The following DOT1L variants were observed in gnomAD, a reference collection of about 807,000 sequenced individuals.
DOT1L encodes DOT1 like histone lysine methyltransferase.
Under a neutral mutation model 153.3 loss-of-function variants are expected in DOT1L, and 33 were observed. The ratio of observed to expected loss-of-function variants is 0.22; its 90% CI spans 0.16 to 0.29. The LOEUF is 0.29. Among genes scored for constraint, DOT1L ranks in the 10% least tolerant of loss-of-function variants. The probability of loss-of-function intolerance (pLI) is 1.00; values close to 1 mark genes in which losing one functional copy is unlikely to be tolerated. For missense variants in DOT1L, 1,847 were observed against 2,119.9 expected (o/e 0.87, Z 2.53); for synonymous variants, 1,135 against 965.1 (o/e 1.18, Z -3.26).
chr19:2,217,262 C>T lies in DOT1L; in HGVS notation c.2544+172C>T, dbSNP rs1395396407. Reference sequence around the variant, plus strand: ...TTGGGGGCAACCAGTAAGGACAGGTCACAGGTGACGTTGGGCAGGTGCCAT... The same window carrying T: ...TTGGGGGCAACCAGTAAGGACAGGTTACAGGTGACGTTGGGCAGGTGCCAT... On this transcript the variant is annotated intron_variant, in intron 21 of 27. Transcript: ENST00000398665. This position sits in a 1 kb window ranked among gnomAD's most constrained non-coding sequence, Gnocchi z 7.3. Among the ~76,000 whole-genome samples the T allele has an allele frequency of 6.6e-6, 1 of 152,138 alleles. No individual in the cohort carries two copies. The highest frequency in any genetic ancestry group is 1.5e-5 in the Non-Finnish European group (1 of 68,030).
rs1413679143 is a variant in DOT1L, at chr19:2,204,620, CAG to C, written c.787+1842_787+1843del. Among the ~76,000 whole-genome samples, 1 of 152,220 alleles carries C rather than the reference CAG, an allele frequency of 6.6e-6. No individual in the cohort carries two copies. The highest frequency in any genetic ancestry group is 2.4e-5 in the African/African-American group (1 of 41,448). On this transcript the variant is annotated intron_variant, in intron 9 of 27. Transcript: ENST00000398665. This position sits in a 1 kb window ranked among gnomAD's most constrained non-coding sequence, Gnocchi z 5.7. ...GCACGATCAGACGTGGTGGCTGAGT[CAG>C]GGTACTGCAGTGGCGTCTTCTGTCC...
intron 27 of DOT1L, chr19:2,228,365 C>A: frequency 1.5e-6 from 2 of 1,309,518 alleles, no homozygotes; most frequent in South Asian, 1.3e-5. Flanking sequence ...GCTTAGCTAG[C>A]AGTGCGTATT....
chr19:2,179,478 T>C (rs1329086785), intron 1 of DOT1L, among the ~76,000 whole-genome samples: 1 of 152,114 alleles, frequency 6.6e-6, no homozygotes, highest in African/African-American at 2.4e-5. Flanking sequence ...GTTTACCTAT[T>C]GGGGATTTAA....
intron 1 of DOT1L, among the ~76,000 whole-genome samples, chr19:2,167,213 G>C (rs117946421): frequency 6.6e-6 from 1 of 152,302 alleles, no homozygotes; most frequent in East Asian, 1.9e-4. Flanking sequence ...GTTCTCAGGG[G>C]TGGACCGCAC....
intron 19 of DOT1L, chr19:2,214,797 C>A: frequency 1.5e-6 from 1 of 684,944 alleles, no homozygotes; most frequent in Non-Finnish European, 2.2e-6. Flanking sequence ...CTCTAGCCCT[C>A]AGCTCTCGGG....
At position 2,220,726 on chromosome 19, in the gene DOT1L, T is replaced by C. The variant is rs1427930630; in HGVS notation, c.2806+504T>C. ...GGCTTTTGTTGACACTGCAGGCCTG[T>C]CTGTTGTGGAAGCCGCAGAGACAGC... On this transcript the variant is annotated intron_variant, in intron 23 of 27. Coordinates refer to ENST00000398665, the MANE Select transcript of DOT1L (RefSeq NM_032482.3). The surrounding 1 kb of genome is among the most constrained non-coding windows in gnomAD (Gnocchi z 4.5). The C allele has an allele frequency of 1.1e-5, 4 of 354,128 alleles. No individual in the cohort carries two copies. Among genetic ancestry groups the C allele is most frequent in the African/African-American group, 8.6e-5 (4 of 46,632 alleles). 21.9% of individuals were successfully genotyped at this position (354,128 alleles called of 1,614,324 possible). A position where few individuals can be genotyped will look rare whatever the true frequency, so the allele number is the denominator to read the frequency against.
chr19:2,200,829 C>T (rs1443464291), intron 8 of DOT1L, among the ~76,000 whole-genome samples: 1 of 148,994 alleles, frequency 6.7e-6, no homozygotes, highest in Non-Finnish European at 1.5e-5. Flanking sequence ...CTCTCGTCCT[C>T]CCCGCATTCC....
At chr19:2,201,165 C>T (rs1181155440) in intron 8 of DOT1L, among the ~76,000 whole-genome samples, 32 of 141,674 alleles carry the variant, frequency 2.3e-4, no homozygotes, top group Non-Finnish European at 3.4e-4. Context: ...CCTCATTCCT[C>T]GTCCTCCCCG....
At chr19:2,199,481 T>C (rs1435904573) in intron 7 of DOT1L, among the ~76,000 whole-genome samples, 1 of 152,204 alleles carries the variant, frequency 6.6e-6, no homozygotes, top group African/African-American at 2.4e-5. Context: ...TGGTGGGGAC[T>C]GCAGGCCCTG....
intron 1 of DOT1L, among the ~76,000 whole-genome samples, chr19:2,178,808 A>C (rs1041692292): frequency 6.6e-6 from 1 of 152,030 alleles, no homozygotes; most frequent in African/African-American, 2.4e-5. Flanking sequence ...CTCGTGATCC[A>C]CCTGCCTCAG....
chr19:2,227,751 G>C (rs777841968), intron 27 of DOT1L: 3 of 1,318,452 alleles, frequency 2.3e-6, no homozygotes, highest in Admixed American at 4.3e-5. Context: ...CTTTAACCAC[G>C]CGGTGCCCTC....
intron 1 of DOT1L, among the ~76,000 whole-genome samples, chr19:2,178,713 G>T (rs1013093798): frequency 4.0e-5 from 6 of 151,606 alleles, no homozygotes; most frequent in Non-Finnish European, 8.8e-5. Flanking sequence ...GAGCTACCGC[G>T]CCCGGCCACG....
intron 1 of DOT1L, among the ~76,000 whole-genome samples, chr19:2,179,393 G>A (rs565364862): frequency 6.6e-6 from 1 of 152,342 alleles, no homozygotes; most frequent in Admixed American, 6.5e-5. Flanking sequence ...CTGCACGGCT[G>A]CCTGGGCGGC....
At position 2,206,809 on chromosome 19, in the gene DOT1L, T is replaced by TC. The variant is rs754764341; in HGVS notation, c.856+13dup. On this transcript the variant is annotated intron_variant, in intron 10 of 27. Coordinates refer to ENST00000398665, the MANE Select transcript of DOT1L (RefSeq NM_032482.3). ...TAGAAACTTGAGTGGTAAGAAACTC[T>TC]CATGTTGTTAATGATGAACACGGGT... 25 of 1,612,520 alleles carry TC rather than the reference T, an allele frequency of 1.6e-5. No homozygotes were observed. Among genetic ancestry groups the TC allele is most frequent in the Non-Finnish European group, 2.1e-5 (25 of 1,178,830 alleles).
chr19:2,210,521 A>C lies in DOT1L; in HGVS notation c.1116+11A>C. ...GCCGACGCCCCCATGGTAAGGCCCC[A>C]GCCTGGCTCCTGCTGCTGGAGGGCA... is the stretch of plus-strand genomic sequence containing the variant. On this transcript the variant is annotated intron_variant, in intron 13 of 27. Coordinates refer to ENST00000398665, the MANE Select transcript of DOT1L (RefSeq NM_032482.3). The C allele has an allele frequency of 1.9e-6, 3 of 1,592,344 alleles. No individual in the cohort carries two copies. The highest frequency in any genetic ancestry group is 2.6e-6 in the Non-Finnish European group (3 of 1,169,212).
chr19:2,216,170 C>T (rs1441898386), intron 19 of DOT1L, 111 bp from the exon 20 acceptor site: 6 of 1,453,946 alleles, frequency 4.1e-6, no homozygotes, highest in Non-Finnish European at 5.5e-6. Context: ...TTCCATCCCA[C>T]ACAAGCAGCG....
chr19:2,167,078 T>C (rs1393597521), intron 1 of DOT1L, among the ~76,000 whole-genome samples: 1 of 152,200 alleles, frequency 6.6e-6, no homozygotes, highest in Non-Finnish European at 1.5e-5. Flanking sequence ...GGGCCACAGA[T>C]TGTTGACGTG....
intron 7 of DOT1L, among the ~76,000 whole-genome samples, chr19:2,196,211 C>T (rs967399035): frequency 1.3e-5 from 2 of 152,256 alleles, no homozygotes; most frequent in African/African-American, 4.8e-5. Context: ...GGCCCCGATC[C>T]CTGGTGGCCC....
In DOT1L at chr19:2,226,101, C is replaced by T. The variant is rs1054830022; in HGVS notation, c.3662-82C>T. Reference sequence around the variant, plus strand: ...GCCCTGCCTGCAGAGTTGCCCGGGCCGTGGCAGCAGCCCCGGTTAGCCTCA... The same window carrying T: ...GCCCTGCCTGCAGAGTTGCCCGGGCTGTGGCAGCAGCCCCGGTTAGCCTCA... On this transcript the variant is annotated intron_variant, in intron 26 of 27. Transcript: ENST00000398665. 6.9e-5 allele frequency: 98 copies of T among 1,423,692 alleles called. 1 individual carries two copies. The highest frequency in any genetic ancestry group is 2.5e-4 in the Admixed American group (9 of 36,264). 88.2% of individuals were successfully genotyped at this position (1,423,692 alleles called of 1,614,324 possible).
Sources: allele counts gnomAD v4.1 joint callset (sites outside exome capture counted in the v4.1 genomes callset), GRCh38; gene constraint gnomAD v4.1.1; non-coding constraint Gnocchi (gnomAD v3.1); transcripts MANE v1.5; gene names NCBI Gene and HGNC (gene_info 2026-07-23, HGNC 2026-07-21).